Variants in MAGI2 observed in about 807,000 individuals in gnomAD.
MAGI2 encodes membrane associated guanylate kinase, WW and PDZ domain containing 2.
In MAGI2, 35 loss-of-function variants were observed where a neutral mutation model predicts 133.3. The observed-to-expected ratio is 0.26, with a 90% CI of 0.20 to 0.35. The LOEUF is 0.35. Among genes scored for constraint, MAGI2 ranks in the 10% least tolerant of loss-of-function variants. The pLI is 1.00. For missense variants in MAGI2, 1,636 were observed against 1,863.4 expected (o/e 0.88, Z 2.25); for synonymous variants, 729 against 710.6 (o/e 1.03, Z -0.41).
chr7:78,157,074 T>C (rs1824469528), intron 16 of MAGI2, among the ~76,000 whole-genome samples: 1 of 152,198 alleles, frequency 6.6e-6, no homozygotes, highest in South Asian at 2.1e-4. Context: ...CGCATTTCTC[T>C]TCAAAATTAG....
chr7:78,544,377 T>C (rs1002577553), intron 3 of MAGI2, among the ~76,000 whole-genome samples: 9 of 152,216 alleles, frequency 5.9e-5, no homozygotes, highest in African/African-American at 2.2e-4. Flanking sequence ...TTCCAGCCTT[T>C]ATAAAATGGG....
chr7:79,222,865 T>C (rs780174592), intron 1 of MAGI2, among the ~76,000 whole-genome samples: 5 of 152,016 alleles, frequency 3.3e-5, no homozygotes, highest in Admixed American at 1.3e-4. Flanking sequence ...CTCATTTCTT[T>C]TCTTTTTGTT....
chr7:79,170,417 C>T (rs1019448620), intron 1 of MAGI2, among the ~76,000 whole-genome samples: 1 of 151,880 alleles, frequency 6.6e-6, no homozygotes, highest in Non-Finnish European at 1.5e-5. Context: ...CTCAAGTGAT[C>T]CTCCTGCCTC....
At chr7:79,221,352 A>C (rs182944860) in intron 1 of MAGI2, among the ~76,000 whole-genome samples, 4 of 152,202 alleles carry the variant, frequency 2.6e-5, no homozygotes, top group Non-Finnish European at 1.5e-5. Flanking sequence ...TCATCTGCCC[A>C]GCCCTGTGCT....
At position 78,739,891 on chromosome 7, in the gene MAGI2, G is replaced by A. The variant is rs539653095; in HGVS notation, c.419-112652C>T. ...TATGATAACCTGGCCAGGCGCGGTG[G>A]CTCACGCCTGTAATCCCAGCACTTT... On this transcript the variant is annotated intron_variant, in intron 2 of 21. Transcript: ENST00000354212. Among the ~76,000 whole-genome samples, 297 of 152,222 alleles carry A rather than the reference G, an allele frequency of 2.0e-3. 4 individuals carry two copies. The highest frequency in any genetic ancestry group is 0.014 in the Middle Eastern group (4 of 294).
chr7:78,425,615 C>T (rs1013639318), intron 6 of MAGI2, among the ~76,000 whole-genome samples: 2 of 152,142 alleles, frequency 1.3e-5, no homozygotes, highest in African/African-American at 2.4e-5. Context: ...AGATCAGTTG[C>T]TACAGAGATA....
intron 2 of MAGI2, among the ~76,000 whole-genome samples, chr7:78,750,609 A>G (rs78964614): frequency 0.012 from 1,791 of 152,236 alleles, 45 homozygotes; most frequent in African/African-American, 0.041. Flanking sequence ...GTCAGACAAT[A>G]CACATAACAA....
chr7:78,754,253 C>T (rs781178652), intron 2 of MAGI2, among the ~76,000 whole-genome samples: 12 of 151,900 alleles, frequency 7.9e-5, no homozygotes, highest in Non-Finnish European at 1.8e-4. Flanking sequence ...TGCCTGTGGT[C>T]CCAGCTACTA....
At chr7:78,381,516 AAGAT>A (rs1201840373) in intron 6 of MAGI2, among the ~76,000 whole-genome samples, 3 of 152,174 alleles carry the variant, frequency 2.0e-5, no homozygotes, top group Non-Finnish European at 4.4e-5. Flanking sequence ...CTAATACTAA[AAGAT>A]AACCGATGAA....
chr7:79,418,868 C>T (rs910578122), intron 1 of MAGI2, among the ~76,000 whole-genome samples: 18 of 83,356 alleles, frequency 2.2e-4, no homozygotes, highest in African/African-American at 6.3e-4. Context: ...CACACACACA[C>T]GCACACACAC....
At chr7:79,332,607 T>C (rs1273493944) in intron 1 of MAGI2, among the ~76,000 whole-genome samples, 1 of 152,192 alleles carries the variant, frequency 6.6e-6, no homozygotes, top group Non-Finnish European at 1.5e-5. Flanking sequence ...GAAATATTAG[T>C]TCCTTTCTTT....
At chr7:78,555,827 C>T (rs1484885135) in intron 3 of MAGI2, among the ~76,000 whole-genome samples, 1 of 152,166 alleles carries the variant, frequency 6.6e-6, no homozygotes, top group African/African-American at 2.4e-5. Context: ...TCTAAACACT[C>T]ATTTCTAACT....
At chr7:79,194,976 T>C (rs1827956914) in intron 1 of MAGI2, among the ~76,000 whole-genome samples, 2 of 152,016 alleles carry the variant, frequency 1.3e-5, no homozygotes. Context: ...TGCCCAAAGT[T>C]CATTTAGGAG....
At chr7:78,860,548 T>A (rs1794071630) in intron 2 of MAGI2, among the ~76,000 whole-genome samples, 1 of 152,292 alleles carries the variant, frequency 6.6e-6, no homozygotes, top group Non-Finnish European at 1.5e-5. Context: ...CAGCGGAGGC[T>A]GCAGAAAAGC....
intron 3 of MAGI2, among the ~76,000 whole-genome samples, chr7:78,560,863 T>A (rs867842943): frequency 3.3e-5 from 5 of 151,964 alleles, no homozygotes; most frequent in Non-Finnish European, 2.9e-5. Context: ...GGACAACATA[T>A]AGCCTTTCTA....
At chr7:78,313,473 T>C (rs1291025404) in intron 9 of MAGI2, among the ~76,000 whole-genome samples, 1 of 152,118 alleles carries the variant, frequency 6.6e-6, no homozygotes, top group Non-Finnish European at 1.5e-5. Flanking sequence ...AACATCAAAA[T>C]GCATTTTCCA....
At chr7:78,288,679 C>A (rs1796396217) in intron 9 of MAGI2, among the ~76,000 whole-genome samples, 1 of 152,196 alleles carries the variant, frequency 6.6e-6, no homozygotes. Flanking sequence ...TCCCAAGTAG[C>A]CTAACTAGGA....
chr7:78,835,954 C>T (rs137921852), intron 2 of MAGI2, among the ~76,000 whole-genome samples: 59 of 152,240 alleles, frequency 3.9e-4, no homozygotes, highest in African/African-American at 1.3e-3. Context: ...TTCTGCAATC[C>T]GACAGCACCC....
At chr7:78,857,328 G>A (rs1295413656) in intron 2 of MAGI2, among the ~76,000 whole-genome samples, 2 of 152,070 alleles carry the variant, frequency 1.3e-5, no homozygotes, top group Non-Finnish European at 2.9e-5. Context: ...CCTGTCTTGT[G>A]CCAGTTTTCA....
Sources: allele counts gnomAD v4.1 joint callset (sites outside exome capture counted in the v4.1 genomes callset), GRCh38; gene constraint gnomAD v4.1.1; transcripts MANE v1.5; gene names NCBI Gene and HGNC (gene_info 2026-07-23, HGNC 2026-07-21).